The following CTNNA3 variants were observed in gnomAD, a reference collection of about 807,000 sequenced individuals.
CTNNA3 encodes the protein catenin alpha 3.
A neutral mutation model predicts 95.7 loss-of-function variants in CTNNA3; 76 were observed. The ratio of observed to expected loss-of-function variants is 0.79; its 90% CI spans 0.66 to 0.96. The LOEUF (loss-of-function observed/expected upper bound fraction) is 0.96. Ranked by LOEUF, CTNNA3 falls within the 40% of genes least tolerant of loss-of-function variation. The pLI, the probability that CTNNA3 is intolerant of heterozygous loss-of-function variation, is 0.00. For synonymous variants in CTNNA3, 431 were observed against 374.4 expected (o/e 1.15, Z -1.74); for missense variants, 1,191 against 1,089.8 (o/e 1.09, Z -1.31).
rs1428176047 is a variant in CTNNA3, at chr10:65,915,437, T to TC, written c.*4892dup. ...CTAAATGCTTCTGCAACTACCCCTC[T>TC]CAGACCCTTCCCTACCTCTGGCACC... On this transcript the variant is annotated 3_prime_UTR_variant, in exon 18 of 18. Transcript: ENST00000433211. The TC allele has an allele frequency of 2.0e-5, 3 of 152,134 alleles. No individual in the cohort carries two copies. The East Asian group carries it at 5.8e-4, about 29-fold the overall frequency. The allele number at this position is 152,134 out of a possible 1,614,324, so 9.4% of individuals were successfully genotyped here.
chr10:65,974,040 A>G (rs1468404830), intron 16 of CTNNA3, among the ~76,000 whole-genome samples: 1 of 152,186 alleles, frequency 6.6e-6, no homozygotes, highest in Non-Finnish European at 1.5e-5. Context: ...CCAAAATAAG[A>G]TACTATCTCA....
At chr10:67,741,555 C>T (rs569899596) in intron 1 of CTNNA3, among the ~76,000 whole-genome samples, 10 of 151,112 alleles carry the variant, frequency 6.6e-5, no homozygotes, top group East Asian at 5.8e-4. Context: ...CAAAAACATG[C>T]CAAATTCTAA....
Position 67,745,954 on chromosome 10 carries a change from G to T in CTNNA3, c.-2+17480C>A, listed in dbSNP as rs573093944. Among the ~76,000 whole-genome samples the T allele has an allele frequency of 5.3e-5, 8 of 152,134 alleles. No homozygotes were observed. The South Asian group carries it at 8.3e-4, about 16-fold the overall frequency. On this transcript the variant is annotated intron_variant, in intron 1 of 17. Transcript: ENST00000684154. ...ACAAAAAAATAGAAAGATATTCCAT[G>T]TTCATGGATTGGAAGAAATAATATC...
chr10:66,058,501 G>T (rs192705921), intron 15 of CTNNA3, among the ~76,000 whole-genome samples: 1 of 151,986 alleles, frequency 6.6e-6, no homozygotes, highest in South Asian at 2.1e-4. Context: ...TTTCTACATG[G>T]CTATTTTTGA....
intron 17 of CTNNA3, among the ~76,000 whole-genome samples, chr10:65,965,393 C>A (rs1290030530): frequency 2.6e-5 from 2 of 77,674 alleles, no homozygotes; most frequent in African/African-American, 5.2e-5. Context: ...CTCCCCTCTA[C>A]TTTTTTTTTT....
intron 1 of CTNNA3, among the ~76,000 whole-genome samples, chr10:67,713,653 G>A (rs1841125491): frequency 6.6e-6 from 1 of 152,182 alleles, no homozygotes; most frequent in African/African-American, 2.4e-5. Context: ...GATGAAGCTG[G>A]AAACCATCAT....
chr10:67,607,736 C>T (rs1843328084), intron 2 of CTNNA3, among the ~76,000 whole-genome samples: 1 of 152,130 alleles, frequency 6.6e-6, no homozygotes, highest in South Asian at 2.1e-4. Flanking sequence ...CAGCAGCCAC[C>T]GTGGAGTTCC....
At chr10:67,182,663 G>T (rs1282660371) in intron 6 of CTNNA3, among the ~76,000 whole-genome samples, 3 of 152,108 alleles carry the variant, frequency 2.0e-5, no homozygotes, top group Non-Finnish European at 4.4e-5. Flanking sequence ...AAAAGCAATG[G>T]CAACAAAAGT....
chr10:66,720,871 G>T (rs1848607112), intron 9 of CTNNA3, among the ~76,000 whole-genome samples: 1 of 152,062 alleles, frequency 6.6e-6, no homozygotes, highest in Admixed American at 6.6e-5. Flanking sequence ...AAAAAGACCT[G>T]CTCTCCAGTA....
intron 5 of CTNNA3, among the ~76,000 whole-genome samples, chr10:67,244,353 G>C (rs1193781207): frequency 5.3e-5 from 8 of 152,154 alleles, no homozygotes; most frequent in Non-Finnish European, 4.4e-5. Context: ...AGACTGAGAA[G>C]AATGCAGATA....
chr10:67,167,966 CT>C (rs1861852267), intron 7 of CTNNA3, among the ~76,000 whole-genome samples: 1 of 152,092 alleles, frequency 6.6e-6, no homozygotes, highest in Admixed American at 6.6e-5. Context: ...AACCCCATCT[CT>C]ACTTAAAAAA....
chr10:66,271,874 G>T (rs1404948435), intron 13 of CTNNA3, among the ~76,000 whole-genome samples: 2 of 152,116 alleles, frequency 1.3e-5, no homozygotes. Context: ...TAACTAGCGC[G>T]GCTTTTGTAG....
At chr10:66,709,761 C>G (rs774107416) in intron 9 of CTNNA3, among the ~76,000 whole-genome samples, 1 of 151,898 alleles carries the variant, frequency 6.6e-6, no homozygotes, top group African/African-American at 2.4e-5. Flanking sequence ...TCTTTAAGAC[C>G]CCTTGGGCTT....
chr10:66,990,689 T>C (rs1384108392), intron 7 of CTNNA3, among the ~76,000 whole-genome samples: 1 of 152,188 alleles, frequency 6.6e-6, no homozygotes, highest in African/African-American at 2.4e-5. Context: ...GGATAATGGA[T>C]GTTTATAGCA....
At chr10:66,614,851 T>A (rs967154169) in intron 10 of CTNNA3, among the ~76,000 whole-genome samples, 1 of 151,980 alleles carries the variant, frequency 6.6e-6, no homozygotes, top group Non-Finnish European at 1.5e-5. Flanking sequence ...AAAATCTAAG[T>A]ACTTAGGAGG....
chr10:66,685,148 T>C (rs1847204492), intron 9 of CTNNA3, among the ~76,000 whole-genome samples: 1 of 143,004 alleles, frequency 7.0e-6, no homozygotes, highest in Admixed American at 7.1e-5. Context: ...AGAAGAACTA[T>C]ATATATATAC....
At chr10:67,171,062 T>C (rs989091666) in intron 7 of CTNNA3, among the ~76,000 whole-genome samples, 2 of 152,208 alleles carry the variant, frequency 1.3e-5, no homozygotes, top group African/African-American at 4.8e-5. Flanking sequence ...ATGTAGCTAC[T>C]AGAAAATTTA....
At chr10:66,891,838 C>G (rs995238317) in intron 7 of CTNNA3, among the ~76,000 whole-genome samples, 5 of 152,016 alleles carry the variant, frequency 3.3e-5, no homozygotes, top group African/African-American at 9.7e-5. Flanking sequence ...CCTGTCTGGG[C>G]TAGAAATCTC....
chr10:66,007,751 C>CT (rs752334866), intron 15 of CTNNA3, among the ~76,000 whole-genome samples: 16 of 95,002 alleles, frequency 1.7e-4, no homozygotes, highest in African/African-American at 5.0e-4. Flanking sequence ...CCTTCCTTTC[C>CT]CCCTCCCTCC....
Sources: gnomAD v4.1 joint callset for allele counts (sites outside exome capture counted in the v4.1 genomes callset) on GRCh38, gnomAD v4.1.1 for gene constraint, MANE v1.5 for transcripts, NCBI Gene and HGNC (gene_info 2026-07-23, HGNC 2026-07-21) for gene names.